ELP3: variants seen among roughly 807,000 people sequenced by gnomAD.
The protein encoded by ELP3 is elongator acetyltransferase complex subunit 3.
ELP3 carries 56 observed loss-of-function variants against 74.9 expected under a neutral mutation model. The ratio of observed to expected loss-of-function variants is 0.75; its 90% CI spans 0.60 to 0.93. The LOEUF is 0.93. Ranked by LOEUF, ELP3 falls within the 40% of genes least tolerant of loss-of-function variation. The pLI is 0.00. For synonymous variants in ELP3, 222 were observed against 239.8 expected (o/e 0.93, Z 0.68); for missense variants, 573 against 686.5 (o/e 0.83, Z 1.85).
At chr8:28,187,320 G>A (rs898137279) in intron 14 of ELP3, among the ~76,000 whole-genome samples, 2 of 152,154 alleles carry the variant, frequency 1.3e-5, no homozygotes, top group African/African-American at 4.8e-5. Context: ...TATCCATTCA[G>A]TGAGCAAATA....
chr8:28,132,633 T>C (rs574597665), intron 9 of ELP3, among the ~76,000 whole-genome samples: 1 of 152,300 alleles, frequency 6.6e-6, no homozygotes, highest in East Asian at 1.9e-4. Context: ...ATAGGTTTTT[T>C]GGGGGGTGAG....
intron 3 of ELP3, among the ~76,000 whole-genome samples, chr8:28,103,960 C>T (rs1474947219): frequency 6.6e-6 from 1 of 152,188 alleles, no homozygotes; most frequent in East Asian, 1.9e-4. Context: ...AGCTCCTAGG[C>T]TCAAGGGATC....
intron 12 of ELP3, 29 bp from the exon 13 acceptor site, chr8:28,160,200 A>G (rs753638373): frequency 6.3e-7 from 1 of 1,586,510 alleles, no homozygotes; most frequent in South Asian, 1.1e-5. Flanking sequence ...AATTTTGAAT[A>G]ATATTTTTTG....
chr8:28,145,058 A>G (rs1169761832), intron 10 of ELP3, among the ~76,000 whole-genome samples: 7 of 152,170 alleles, frequency 4.6e-5, no homozygotes, highest in African/African-American at 1.7e-4. Context: ...ATAAAATAAA[A>G]AAGAAACCTG....
intron 9 of ELP3, 66 bp downstream of exon 9, chr8:28,132,470 G>C (rs1232063832): frequency 7.5e-6 from 12 of 1,602,070 alleles, no homozygotes; most frequent in African/African-American, 1.3e-5. Context: ...ATCTGGTCTT[G>C]TTGCTTGTTC....
intron 10 of ELP3, among the ~76,000 whole-genome samples, chr8:28,139,109 G>A (rs957517992): frequency 6.6e-6 from 1 of 152,134 alleles, no homozygotes; most frequent in Admixed American, 6.5e-5. Flanking sequence ...GGTGCAGGCT[G>A]ATGAAGTCAG....
At chr8:28,112,815 C>A in intron 6 of ELP3, 1 of 378,062 alleles carries the variant, frequency 2.6e-6, no homozygotes, top group Non-Finnish European at 4.7e-6. Context: ...TATTCTCATT[C>A]TCCCTCCTTA....
chr8:28,099,239 ATTTCC>A (rs1319500527), intron 2 of ELP3, among the ~76,000 whole-genome samples: 1 of 152,018 alleles, frequency 6.6e-6, no homozygotes, highest in Non-Finnish European at 1.5e-5. Context: ...TATGTACTTT[ATTTCC>A]TATTTGGTTC....
chr8:28,132,186 T>G, intron 8 of ELP3, 92 bp from the exon 9 acceptor site: 3 of 1,380,696 alleles, frequency 2.2e-6, no homozygotes. Flanking sequence ...TTCCCCTTGT[T>G]CCTTGTGTTA....
At chr8:28,093,280 C>T (rs759510499) in intron 1 of ELP3, 47 bp downstream of exon 1, 1 of 1,608,536 alleles carries the variant, frequency 6.2e-7, no homozygotes, top group South Asian at 1.1e-5. Context: ...CCGAAAGGGG[C>T]GAACGCCCAG....
At chr8:28,185,986 T>G (rs1218063297) in intron 14 of ELP3, among the ~76,000 whole-genome samples, 1 of 152,236 alleles carries the variant, frequency 6.6e-6, no homozygotes, top group Admixed American at 6.5e-5. Flanking sequence ...TATGATACTT[T>G]TAGTTAACAA....
At chr8:28,187,202 C>T (rs1377803329) in intron 14 of ELP3, among the ~76,000 whole-genome samples, 1 of 152,168 alleles carries the variant, frequency 6.6e-6, no homozygotes, top group African/African-American at 2.4e-5. Flanking sequence ...TATGCCCAGG[C>T]TCTGGGTACT....
intron 8 of ELP3, among the ~76,000 whole-genome samples, chr8:28,131,517 TG>T (rs1812784996): frequency 6.6e-6 from 1 of 152,184 alleles, no homozygotes; most frequent in Non-Finnish European, 1.5e-5. Context: ...TGGAAATGGT[TG>T]GGAGCATTCT....
chr8:28,156,452 CT>C (rs2130538034), intron 11 of ELP3, among the ~76,000 whole-genome samples: 1 of 152,340 alleles, frequency 6.6e-6, no homozygotes, highest in Non-Finnish European at 1.5e-5. Flanking sequence ...TCCTATCCCT[CT>C]GGCCATTGAA....
At chr8:28,174,059 G>A (rs1293145276) in intron 14 of ELP3, among the ~76,000 whole-genome samples, 1 of 151,970 alleles carries the variant, frequency 6.6e-6, no homozygotes, top group African/African-American at 2.4e-5. Flanking sequence ...TATGGAAAAT[G>A]TACATTCTGC....
chr8:28,135,390 A>G (rs1274934027), intron 9 of ELP3, among the ~76,000 whole-genome samples: 1 of 152,196 alleles, frequency 6.6e-6, no homozygotes, highest in Non-Finnish European at 1.5e-5. Context: ...ACTCTTACGT[A>G]GAGCCATTTG....
chr8:28,098,110 CTT>C (rs1218907210), intron 2 of ELP3, among the ~76,000 whole-genome samples: 1 of 152,150 alleles, frequency 6.6e-6, no homozygotes, highest in Non-Finnish European at 1.5e-5. Context: ...TGTAGAACCT[CTT>C]TGACACATTC....
At chr8:28,175,830 T>TG (rs1563289164) in intron 14 of ELP3, among the ~76,000 whole-genome samples, 11 of 149,274 alleles carry the variant, frequency 7.4e-5, no homozygotes, top group South Asian at 4.4e-4. Context: ...TTTTTTTTTT[T>TG]TGGGGAGTCA....
chr8:28,172,899 A>T (rs181178232), intron 14 of ELP3, among the ~76,000 whole-genome samples: 1 of 151,310 alleles, frequency 6.6e-6, no homozygotes, highest in Non-Finnish European at 1.5e-5. Context: ...TGATTGTATG[A>T]TTTTTTTTCC....
Sources: gnomAD v4.1 joint callset for allele counts (sites outside exome capture counted in the v4.1 genomes callset) on GRCh38, gnomAD v4.1.1 for gene constraint, MANE v1.5 for transcripts, NCBI Gene and HGNC (gene_info 2026-07-23, HGNC 2026-07-21) for gene names.